Variants in GRIN2A observed in about 807,000 individuals in gnomAD.
The protein encoded by GRIN2A is glutamate ionotropic receptor NMDA type subunit 2A.
GRIN2A carries 22 observed loss-of-function variants against 113.4 expected under a neutral mutation model. The observed-to-expected ratio is 0.19, with a 90% CI of 0.14 to 0.28. The LOEUF (loss-of-function observed/expected upper bound fraction) is 0.28. Ranked by LOEUF, GRIN2A falls within the 10% of genes least tolerant of loss-of-function variation. The pLI, the probability that GRIN2A is intolerant of heterozygous loss-of-function variation, is 1.00. For synonymous variants in GRIN2A, 827 were observed against 738.4 expected (o/e 1.12, Z -1.94); for missense variants, 1,502 against 1,887.0 (o/e 0.80, Z 3.78).
At chr16:10,088,294 T>C (rs940725907) in intron 2 of GRIN2A, among the ~76,000 whole-genome samples, 3 of 152,210 alleles carry the variant, frequency 2.0e-5, no homozygotes, top group Non-Finnish European at 4.4e-5. Flanking sequence ...ATAGACTCTG[T>C]GTCATGTCAA....
Position 10,072,941 on chromosome 16 carries a change from A to ACCC in GRIN2A, c.414+107054_414+107056dup, listed in dbSNP as rs1454088753. Among the ~76,000 whole-genome samples, 502 of 113,796 alleles carry ACCC rather than the reference A, an allele frequency of 4.4e-3. 7 individuals carry two copies. Among genetic ancestry groups the ACCC allele is most frequent in the African/African-American group, 4.7e-3 (143 of 30,202 alleles). 74.7% of individuals were successfully genotyped at this position (113,796 alleles called of 152,430 possible). ...CAAGATGAGGAAACTCAGTGACAAG[A>ACCC]CCCCCTTTTTTTTTTTTTTTTTTTT... On this transcript the variant is annotated intron_variant, in intron 2 of 12. Coordinates refer to ENST00000330684, the MANE Select transcript of GRIN2A (RefSeq NM_001134407.3).
chr16:9,763,507 T>G lies in GRIN2A; in HGVS notation c.4037A>C (p.Gln1346Pro). 6.2e-7 allele frequency: 1 copy of G among 1,614,048 alleles called. No homozygotes were observed. The highest frequency in any genetic ancestry group is 8.5e-7 in the Non-Finnish European group (1 of 1,179,998). The change falls in exon 13 of 13, where the codon CAA becomes CCA. Residue 1346 changes from glutamine (Q) to proline (P), a missense_variant. By Grantham distance (76) the Gln-to-Pro change is moderately conservative. Around this residue, in one of 7 missense-constraint regions of GRIN2A, gnomAD observed 832 missense variants for 789.7 expected, o/e 1.05. Transcript: ENST00000330684. The stretch of plus-strand genomic sequence containing the variant: ...GCTCCTCTTGCTGTCCTCCAGACCT[T>G]GGGGGAAAAGGGAGCTTTTTTTCCC... Reference protein sequence around the residue: ...LSGKKSSLFPQGLEDSKRSKS... With the variant: ...LSGKKSSLFPPGLEDSKRSKS...
intron 2 of GRIN2A, among the ~76,000 whole-genome samples, chr16:10,045,607 C>T (rs1445519764): frequency 6.6e-6 from 1 of 152,224 alleles, no homozygotes; most frequent in Non-Finnish European, 1.5e-5. Context: ...AAATGCCAGA[C>T]TGGGTCAGAC....
chr16:9,959,868 G>A (rs1437632218), intron 2 of GRIN2A, among the ~76,000 whole-genome samples: 2 of 152,204 alleles, frequency 1.3e-5, no homozygotes, highest in Non-Finnish European at 2.9e-5. Context: ...CAGCTACTCA[G>A]AGGATGAAGC....
intron 5 of GRIN2A, among the ~76,000 whole-genome samples, chr16:9,843,736 G>GT (rs1242589322): frequency 7.9e-5 from 12 of 151,374 alleles, no homozygotes; most frequent in Admixed American, 7.2e-4. Flanking sequence ...ACCACCCTTA[G>GT]TGGGGGGGTA....
chr16:10,054,543 G>A (rs2141992795), intron 2 of GRIN2A, among the ~76,000 whole-genome samples: 1 of 152,162 alleles, frequency 6.6e-6, no homozygotes, highest in Admixed American at 6.5e-5. Context: ...TTTACTTACA[G>A]GCATATATCA....
At chr16:9,932,327 T>A (rs568757559) in intron 3 of GRIN2A, among the ~76,000 whole-genome samples, 2 of 152,344 alleles carry the variant, frequency 1.3e-5, no homozygotes, top group South Asian at 4.1e-4. Flanking sequence ...TCATGGGCTA[T>A]GGCATGAAGA....
chr16:9,892,442 G>A (rs970859999), intron 3 of GRIN2A, among the ~76,000 whole-genome samples: 6 of 152,080 alleles, frequency 3.9e-5, no homozygotes, highest in African/African-American at 1.4e-4. Context: ...AAGAAGAGAA[G>A]GAGGAAGAGA....
intron 2 of GRIN2A, among the ~76,000 whole-genome samples, chr16:10,138,582 C>T (rs899931493): frequency 6.6e-6 from 1 of 152,090 alleles, no homozygotes; most frequent in Non-Finnish European, 1.5e-5. Context: ...AGGCCCCTCC[C>T]TGACACGTGG....
Position 9,764,833 on chromosome 16 carries a change from A to G in GRIN2A, c.2711T>C (p.Ile904Thr), listed in dbSNP as rs771035775. 6.2e-7 allele frequency: 1 copy of G among 1,614,192 alleles called. No homozygotes were observed. The highest frequency in any genetic ancestry group is 8.5e-7 in the Non-Finnish European group (1 of 1,180,032). The change falls in exon 13 of 13, where the codon ATT becomes ACT. Residue 904 changes from isoleucine (I) to threonine (T), a missense_variant. By Grantham distance (89) the Ile-to-Thr change is moderately conservative. Around this residue, in one of 7 missense-constraint regions of GRIN2A, gnomAD observed 832 missense variants for 789.7 expected, o/e 1.05. Coordinates refer to ENST00000330684, the MANE Select transcript of GRIN2A (RefSeq NM_001134407.3). The part of the protein sequence containing the change: ...MLKLLRSAKN[I>T]SSMSNMNSSR... ...GGAGTTCATGTTGGACATGCTGGAAATGTTTTTGGCTGACCGGAGGAGTTT... is the reference window on the plus strand; with the variant it reads ...GGAGTTCATGTTGGACATGCTGGAAGTGTTTTTGGCTGACCGGAGGAGTTT...
chr16:10,002,727 T>G (rs985597660), intron 2 of GRIN2A, among the ~76,000 whole-genome samples: 1 of 152,194 alleles, frequency 6.6e-6, no homozygotes, highest in African/African-American at 2.4e-5. Flanking sequence ...GAATACAACT[T>G]GATGTTGCCA....
chr16:10,138,020 CCAATCCCTGGCCATGAGA>C, intron 2 of GRIN2A, among the ~76,000 whole-genome samples: 1 of 152,304 alleles, frequency 6.6e-6, no homozygotes, highest in Middle Eastern at 3.4e-3. Context: ...TTGGATTTTA[CCAATCCCTGGCCATGAGA>C]CTCTGACCAT....
chr16:9,951,998 G>A (rs536779607), intron 2 of GRIN2A, among the ~76,000 whole-genome samples: 3 of 152,250 alleles, frequency 2.0e-5, no homozygotes, highest in South Asian at 2.1e-4. Context: ...AGCCCCCAAC[G>A]ATACCGCTCA....
rs1471176465 is a variant in GRIN2A, at chr16:9,760,722, C to G, written c.*2427G>C. 1 of 227,790 alleles carries G rather than the reference C, an allele frequency of 4.4e-6. No individual in the cohort carries two copies. Among genetic ancestry groups the G allele is most frequent in the African/African-American group, 2.2e-5 (1 of 44,996 alleles). 14.1% of individuals were successfully genotyped at this position (227,790 alleles called of 1,614,324 possible). ...GCAGCCCCCTGGGTTTAGAGGACAC[C>G]AGAGGAAGACAGAAAGCCTCTTTGG... On this transcript the variant is annotated 3_prime_UTR_variant, in exon 13 of 13. Transcript: ENST00000330684.
At chr16:10,059,742 C>G (rs1442634440) in intron 2 of GRIN2A, among the ~76,000 whole-genome samples, 1 of 120,700 alleles carries the variant, frequency 8.3e-6, no homozygotes, top group Admixed American at 8.2e-5. Flanking sequence ...AAAAAACAAA[C>G]AAGATTTTTA....
chr16:9,759,626 G>T lies in GRIN2A; in HGVS notation c.*3523C>A, dbSNP rs559488090. 7.8e-5 allele frequency: 18 copies of T among 229,778 alleles called. No individual in the cohort carries two copies. In the South Asian group the frequency reaches 3.1e-3, roughly 39 times the overall value. The allele number at this position is 229,778 out of a possible 1,614,324, so 14.2% of individuals were successfully genotyped here. A position where few individuals can be genotyped will look rare whatever the true frequency, so the allele number is the denominator to read the frequency against. On this transcript the variant is annotated 3_prime_UTR_variant, in exon 13 of 13. Transcript: ENST00000330684. ...AAAAACTAAATACTCAGACTCTCTGGCATCCTGTGAATCAGGGAAGAGAAA... is the reference window on the plus strand; with the variant it reads ...AAAAACTAAATACTCAGACTCTCTGTCATCCTGTGAATCAGGGAAGAGAAA...
chr16:9,949,926 G>A (rs1458997565), intron 2 of GRIN2A, among the ~76,000 whole-genome samples: 1 of 152,294 alleles, frequency 6.6e-6, no homozygotes, highest in Non-Finnish European at 1.5e-5. Flanking sequence ...TGGATGAACA[G>A]GGGGTGTGAA....
chr16:10,176,282 G>A (rs2050147285), intron 2 of GRIN2A, among the ~76,000 whole-genome samples: 2 of 152,136 alleles, frequency 1.3e-5, no homozygotes, highest in East Asian at 1.9e-4. Context: ...TAGGATTACA[G>A]GTGTGAACCA....
rs1050450933 is a variant in GRIN2A, at chr16:10,154,608, A to G, written c.414+25390T>C. ...AATGACTCACTGAACACATTAACACATAAGACACTGTTCCTGTCCTCACTG... is the reference window on the plus strand; with the variant it reads ...AATGACTCACTGAACACATTAACACGTAAGACACTGTTCCTGTCCTCACTG... On this transcript the variant is annotated intron_variant, in intron 2 of 12. Coordinates refer to ENST00000330684, the MANE Select transcript of GRIN2A (RefSeq NM_001134407.3). Among the ~76,000 whole-genome samples the G allele has an allele frequency of 7.2e-5, 11 of 152,204 alleles. No individual in the cohort carries two copies. In the South Asian group the frequency reaches 2.3e-3, roughly 31 times the overall value.
Sources: allele counts gnomAD v4.1 joint callset (sites outside exome capture counted in the v4.1 genomes callset), GRCh38; gene constraint gnomAD v4.1.1; regional missense constraint gnomAD v4.1.1; transcripts MANE v1.5; gene names NCBI Gene and HGNC (gene_info 2026-07-23, HGNC 2026-07-21).